TFDP1: variants seen among roughly 807,000 people sequenced by gnomAD.
TFDP1 encodes the protein transcription factor Dp-1.
Under a neutral mutation model 48.0 loss-of-function variants are expected in TFDP1, and 6 were observed. That is an observed-to-expected ratio of 0.13 (90% CI 0.07 to 0.25). The LOEUF is 0.25. Ranked by LOEUF, TFDP1 falls within the 10% of genes least tolerant of loss-of-function variation. The pLI is 1.00. For synonymous variants in TFDP1, 201 were observed against 211.6 expected (o/e 0.95, Z 0.44); for missense variants, 335 against 543.0 (o/e 0.62, Z 3.81).
chr13:113,591,273 G>A (rs375952721), intron 2 of TFDP1, among the ~76,000 whole-genome samples: 3 of 151,290 alleles, frequency 2.0e-5, no homozygotes, highest in Non-Finnish European at 4.4e-5. Flanking sequence ...CCCGGGAGGC[G>A]GAGGTTGCAG....
Position 113,637,206 on chromosome 13 carries a change from G to T in TFDP1, c.1006+506G>T, listed in dbSNP as rs554584497. The T allele has an allele frequency of 5.9e-5, 11 of 185,192 alleles. No homozygotes were observed. The South Asian group carries it at 1.2e-3, about 21-fold the overall frequency. 11.5% of individuals were successfully genotyped at this position (185,192 alleles called of 1,614,324 possible). The stretch of plus-strand genomic sequence containing the variant: ...CTGGTGAATTCTTTCCTTGGGGGCC[G>T]TAGGGTCCCAGCCACTGACAGCAGG... On this transcript the variant is annotated intron_variant, in intron 10 of 11. Coordinates refer to ENST00000375370, the MANE Select transcript of TFDP1 (RefSeq NM_007111.5).
chr13:113,622,210 G>A (rs1332870018), intron 3 of TFDP1, among the ~76,000 whole-genome samples: 3 of 152,190 alleles, frequency 2.0e-5, no homozygotes, highest in Non-Finnish European at 4.4e-5. Flanking sequence ...GCCACTACCG[G>A]TCTCTGCGAC....
At chr13:113,619,953 CAG>C (rs1404385831) in intron 3 of TFDP1, among the ~76,000 whole-genome samples, 1 of 152,156 alleles carries the variant, frequency 6.6e-6, no homozygotes, top group African/African-American at 2.4e-5. Flanking sequence ...TGGGGAAGCT[CAG>C]GGGCCCTGGA....
chr13:113,635,084 T>C (rs1054649040), intron 8 of TFDP1, among the ~76,000 whole-genome samples: 1 of 152,146 alleles, frequency 6.6e-6, no homozygotes, highest in Non-Finnish European at 1.5e-5. Context: ...TGTAAAACTG[T>C]GGTGGACACA....
At chr13:113,629,751 TC>T (rs1315689619) in intron 4 of TFDP1, among the ~76,000 whole-genome samples, 12 of 145,016 alleles carry the variant, frequency 8.3e-5, no homozygotes, top group African/African-American at 2.9e-4. Flanking sequence ...CCTTGTAAGT[TC>T]CTCGTTGTAA....
At chr13:113,609,028 G>A (rs552417972) in intron 2 of TFDP1, among the ~76,000 whole-genome samples, 25 of 152,338 alleles carry the variant, frequency 1.6e-4, no homozygotes, top group Admixed American at 7.2e-4. Context: ...CACGCATGCC[G>A]GCCTTCAGGC....
chr13:113,622,078 G>T (rs1407780156), intron 3 of TFDP1, among the ~76,000 whole-genome samples: 1 of 152,194 alleles, frequency 6.6e-6, no homozygotes, highest in Non-Finnish European at 1.5e-5. Flanking sequence ...GGCAGGGAAG[G>T]GCCCCCTGTC....
intron 3 of TFDP1, among the ~76,000 whole-genome samples, chr13:113,619,259 G>A (rs2048936004): frequency 6.6e-6 from 1 of 152,152 alleles, no homozygotes; most frequent in South Asian, 2.1e-4. Context: ...GATCACCAGA[G>A]GTCAGGCGTT....
At chr13:113,637,533 GTATGA>G (rs2140651877) in intron 10 of TFDP1, 1 of 1,326,422 alleles carries the variant, frequency 7.5e-7, no homozygotes, top group East Asian at 3.2e-5. Flanking sequence ...TTCACGATGG[GTATGA>G]TACTGAGGCA....
At chr13:113,625,382 G>A (rs2049122358) in intron 4 of TFDP1, among the ~76,000 whole-genome samples, 1 of 121,880 alleles carries the variant, frequency 8.2e-6, no homozygotes, top group Admixed American at 8.5e-5. Context: ...TCTCTCACGT[G>A]TCCTCAGGCG....
At chr13:113,619,568 T>A (rs946235843) in intron 3 of TFDP1, among the ~76,000 whole-genome samples, 8 of 151,356 alleles carry the variant, frequency 5.3e-5, no homozygotes, top group Admixed American at 1.3e-4. Flanking sequence ...CCTGTACGTC[T>A]GGGTGTGGGT....
At position 113,623,661 on chromosome 13, in the gene TFDP1, G is replaced by T. The variant is rs1464990997; in HGVS notation, c.186+375G>T. Among the ~76,000 whole-genome samples, 1 of 152,214 alleles carries T rather than the reference G, an allele frequency of 6.6e-6. No individual in the cohort carries two copies. The highest frequency in any genetic ancestry group is 1.9e-4 in the East Asian group (1 of 5,196). ...CGTGATGTGGCCGAGCGTTGGCTGT[G>T]GCCCTCCTGGAGACATCAGGCTGGG... is the stretch of plus-strand genomic sequence containing the variant. On this transcript the variant is annotated intron_variant, in intron 4 of 11. Transcript: ENST00000375370. The surrounding 1 kb of genome is among the most constrained non-coding windows in gnomAD (Gnocchi z 5.2).
chr13:113,617,076 C>T (rs540523071), intron 3 of TFDP1, among the ~76,000 whole-genome samples: 1 of 152,128 alleles, frequency 6.6e-6, no homozygotes, highest in Non-Finnish European at 1.5e-5. Flanking sequence ...TGACTTGAGC[C>T]GTGCTGTGAA....
At chr13:113,609,714 C>T (rs961397379) in intron 2 of TFDP1, among the ~76,000 whole-genome samples, 23 of 152,096 alleles carry the variant, frequency 1.5e-4, no homozygotes, top group African/African-American at 4.8e-4. Context: ...GGGGTTGTGG[C>T]GTCTCCTTGT....
intron 2 of TFDP1, 171 bp downstream of exon 2, chr13:113,586,020 T>A (rs1330863223): frequency 2.9e-6 from 2 of 692,836 alleles, no homozygotes; most frequent in Non-Finnish European, 4.5e-6. Context: ...ATCTGATCTC[T>A]GAAGCTGCGG....
chr13:113,601,334 C>G (rs896163360), intron 2 of TFDP1, among the ~76,000 whole-genome samples: 1 of 152,278 alleles, frequency 6.6e-6, no homozygotes, highest in Non-Finnish European at 1.5e-5. Context: ...TTCAAATTAA[C>G]TCACCCGGCT....
intron 3 of TFDP1, among the ~76,000 whole-genome samples, chr13:113,617,900 T>A (rs141974641): frequency 6.6e-6 from 1 of 152,250 alleles, no homozygotes; most frequent in Non-Finnish European, 1.5e-5. Context: ...AAAACGTGAA[T>A]ACTATATTTA....
At chr13:113,602,709 C>G (rs1330305307) in intron 2 of TFDP1, among the ~76,000 whole-genome samples, 2 of 152,176 alleles carry the variant, frequency 1.3e-5, no homozygotes, top group East Asian at 1.9e-4. Flanking sequence ...GGGTGACCCT[C>G]AAGCCTGAAT....
chr13:113,593,194 G>T (rs932781053), intron 2 of TFDP1, among the ~76,000 whole-genome samples: 2 of 136,954 alleles, frequency 1.5e-5, no homozygotes, highest in Admixed American at 7.7e-5. Flanking sequence ...CAGGTGTGCT[G>T]TGTGCTGATC....
Sources: gnomAD v4.1 joint callset for allele counts (sites outside exome capture counted in the v4.1 genomes callset) on GRCh38, gnomAD v4.1.1 for gene constraint, Gnocchi (gnomAD v3.1) non-coding constraint, MANE v1.5 for transcripts, NCBI Gene and HGNC (gene_info 2026-07-23, HGNC 2026-07-21) for gene names.